SLIT3: variants seen among roughly 807,000 people sequenced by gnomAD.
SLIT3 encodes slit guidance ligand 3.
Under a neutral mutation model 184.0 loss-of-function variants are expected in SLIT3, and 68 were observed. The observed-to-expected ratio is 0.37, with a 90% CI of 0.30 to 0.45. The LOEUF (loss-of-function observed/expected upper bound fraction) is 0.45. SLIT3 is among the 20% of genes least tolerant of loss of function. The pLI, the probability that SLIT3 is intolerant of heterozygous loss-of-function variation, is 1.00. For synonymous variants in SLIT3, 831 were observed against 828.6 expected (o/e 1.00, Z -0.05); for missense variants, 1,707 against 2,026.0 (o/e 0.84, Z 3.02).
intron 4 of SLIT3, among the ~76,000 whole-genome samples, chr5:169,149,215 G>T (rs571591065): frequency 6.6e-6 from 1 of 152,244 alleles, no homozygotes. Context: ...GACGCTAACA[G>T]ATTTTATTTG....
At chr5:168,961,176 T>C (rs1762994190) in intron 4 of SLIT3, among the ~76,000 whole-genome samples, 1 of 152,220 alleles carries the variant, frequency 6.6e-6, no homozygotes, top group African/African-American at 2.4e-5. Context: ...CGTCTTTGAC[T>C]GGATCAAAGC....
chr5:168,780,858 C>T (rs1755944836), intron 12 of SLIT3, among the ~76,000 whole-genome samples: 1 of 152,222 alleles, frequency 6.6e-6, no homozygotes, highest in Non-Finnish European at 1.5e-5. Context: ...CAGCAACCTA[C>T]TGAGGCTGGA....
chr5:168,969,910 A>C (rs910002287), intron 4 of SLIT3, among the ~76,000 whole-genome samples: 1 of 152,144 alleles, frequency 6.6e-6, no homozygotes, highest in African/African-American at 2.4e-5. Flanking sequence ...GGCTGGGCGC[A>C]GTGGCTCCCG....
At chr5:168,997,300 C>A (rs1309892546) in intron 4 of SLIT3, among the ~76,000 whole-genome samples, 2 of 152,068 alleles carry the variant, frequency 1.3e-5, no homozygotes, top group Admixed American at 6.5e-5. Flanking sequence ...GAATTTGTGT[C>A]AAATTTGAGC....
At chr5:168,872,332 T>G (rs543804718) in intron 5 of SLIT3, among the ~76,000 whole-genome samples, 1 of 152,296 alleles carries the variant, frequency 6.6e-6, no homozygotes, top group South Asian at 2.1e-4. Context: ...ATACATGTCA[T>G]TACACACTTG....
chr5:169,188,293 C>T (rs1223083911), intron 4 of SLIT3, among the ~76,000 whole-genome samples: 3 of 152,226 alleles, frequency 2.0e-5, no homozygotes, highest in African/African-American at 7.2e-5. Context: ...TGCATCTTGC[C>T]TTCTGCTCCT....
rs73312301 is a variant in SLIT3, at chr5:169,061,140, A to G, written c.413+132339T>C. ...GTTCTAGAATAAATATTTAATAAAC[A>G]GAAGCAATACTTACATTTTCCCATG... On this transcript the variant is annotated intron_variant, in intron 4 of 35. Transcript: ENST00000519560. Among the ~76,000 whole-genome samples the G allele has an allele frequency of 2.6e-3, 390 of 152,370 alleles. 2 individuals are homozygous for G. Among genetic ancestry groups the G allele is most frequent in the African/African-American group, 8.5e-3 (355 of 41,592 alleles).
intron 12 of SLIT3, among the ~76,000 whole-genome samples, chr5:168,776,483 C>A (rs1007316217): frequency 6.6e-6 from 1 of 152,184 alleles, no homozygotes; most frequent in African/African-American, 2.4e-5. Flanking sequence ...ACCTGACTCA[C>A]AAGTGATAGG....
chr5:169,273,187 T>C (rs540302247), intron 1 of SLIT3, among the ~76,000 whole-genome samples: 5 of 151,610 alleles, frequency 3.3e-5, no homozygotes, highest in Non-Finnish European at 7.4e-5. Flanking sequence ...TGAAACAGAG[T>C]CCCCTCACCG....
rs761910005 is a variant in SLIT3, at chr5:168,844,564, C to T, written c.557+20G>A. On this transcript the variant is annotated intron_variant, in intron 6 of 35. Transcript: ENST00000519560. The stretch of plus-strand genomic sequence containing the variant: ...ACACATGCACGCACACACAAGGCAG[C>T]GATCGCAAAATCAACTCACAGGATC... The T allele has an allele frequency of 6.8e-6, 11 of 1,611,940 alleles. No individual in the cohort carries two copies. Among genetic ancestry groups the T allele is most frequent in the Admixed American group, 6.7e-5 (4 of 59,986 alleles).
chr5:169,129,826 T>TTTTTTTTG (rs1554100669), intron 4 of SLIT3, among the ~76,000 whole-genome samples: 3 of 151,014 alleles, frequency 2.0e-5, no homozygotes, highest in South Asian at 2.1e-4. Context: ...TGGTGGTTTT[T>TTTTTTTTG]TTTGTTTGTT....
At chr5:168,862,880 G>A (rs1422892246) in intron 5 of SLIT3, among the ~76,000 whole-genome samples, 1 of 152,098 alleles carries the variant, frequency 6.6e-6, no homozygotes, top group Non-Finnish European at 1.5e-5. Context: ...TCACCATGTT[G>A]GCTAGGCTGG....
intron 5 of SLIT3, among the ~76,000 whole-genome samples, chr5:168,845,094 CT>C (rs998802203): frequency 3.3e-5 from 5 of 152,086 alleles, no homozygotes; most frequent in African/African-American, 1.2e-4. Context: ...CCCCGTCTCC[CT>C]TTTACTGGAA....
chr5:169,196,739 C>T (rs297843), intron 3 of SLIT3, among the ~76,000 whole-genome samples: 88,449 of 151,936 alleles, frequency 0.58, 26,142 homozygotes, highest in East Asian at 0.69. Context: ...TTTCAATAAA[C>T]AACAGCTCCC....
chr5:169,147,547 C>T (rs1761967430), intron 4 of SLIT3, among the ~76,000 whole-genome samples: 1 of 152,220 alleles, frequency 6.6e-6, no homozygotes, highest in African/African-American at 2.4e-5. Context: ...TCATGAGCCA[C>T]CACGCCTGGC....
intron 6 of SLIT3, among the ~76,000 whole-genome samples, chr5:168,831,643 C>T (rs1390127727): frequency 6.6e-6 from 1 of 152,166 alleles, no homozygotes; most frequent in Non-Finnish European, 1.5e-5. Flanking sequence ...TTGTACCCGA[C>T]TCTAAAGTGA....
At chr5:168,670,581 A>G (rs569714347) in intron 34 of SLIT3, among the ~76,000 whole-genome samples, 7 of 152,314 alleles carry the variant, frequency 4.6e-5, no homozygotes, top group African/African-American at 1.7e-4. Flanking sequence ...AAACACACAC[A>G]CACATATGCT....
At chr5:169,254,476 CTT>C (rs1765882856) in intron 1 of SLIT3, among the ~76,000 whole-genome samples, 1 of 150,186 alleles carries the variant, frequency 6.7e-6, no homozygotes, top group African/African-American at 2.5e-5. Flanking sequence ...TCTGCCATTT[CTT>C]TCTTTCTTTT....
At chr5:169,181,715 C>T (rs1481570330) in intron 4 of SLIT3, among the ~76,000 whole-genome samples, 1 of 147,562 alleles carries the variant, frequency 6.8e-6, no homozygotes, top group Non-Finnish European at 1.5e-5. Context: ...CCACTCCAGC[C>T]TGGCGACAGA....
Sources: gnomAD v4.1 joint callset for allele counts (sites outside exome capture counted in the v4.1 genomes callset) on GRCh38, gnomAD v4.1.1 for gene constraint, MANE v1.5 for transcripts, NCBI Gene and HGNC (gene_info 2026-07-23, HGNC 2026-07-21) for gene names.